CACNA1A: variants seen among roughly 807,000 people sequenced by gnomAD.
CACNA1A encodes the protein calcium voltage-gated channel subunit alpha1 A, also known as voltage-dependent P/Q-type calcium channel subunit alpha-1A.
CACNA1A carries 57 observed loss-of-function variants against 262.4 expected under a neutral mutation model. The ratio of observed to expected loss-of-function variants is 0.22; its 90% CI spans 0.18 to 0.27. The LOEUF (loss-of-function observed/expected upper bound fraction) is 0.27, where lower values mean the gene tolerates loss of function less well. Ranked by LOEUF, CACNA1A falls within the 10% of genes least tolerant of loss-of-function variation. The pLI is 1.00. For synonymous variants in CACNA1A, 1,431 were observed against 1,419.3 expected (o/e 1.01, Z -0.18); for missense variants, 2,526 against 3,562.8 (o/e 0.71, Z 7.41).
chr19:13,356,871 T>G (rs1317759653), intron 6 of CACNA1A, among the ~76,000 whole-genome samples: 1 of 152,166 alleles, frequency 6.6e-6, no homozygotes, highest in African/African-American at 2.4e-5. Context: ...TCCAAGCTGT[T>G]TGCAGGTGAC....
intron 6 of CACNA1A, among the ~76,000 whole-genome samples, chr19:13,342,243 G>A (rs1188833636): frequency 1.3e-5 from 2 of 152,104 alleles, no homozygotes; most frequent in East Asian, 3.9e-4. Context: ...TCGTTCAGGA[G>A]CAAAATGAAA....
At chr19:13,269,794 A>G (rs1389073469) in intron 24 of CACNA1A, among the ~76,000 whole-genome samples, 1 of 152,154 alleles carries the variant, frequency 6.6e-6, no homozygotes, top group African/African-American at 2.4e-5. Context: ...ACACACACAG[A>G]TATTTGGGTG....
intron 10 of CACNA1A, among the ~76,000 whole-genome samples, chr19:13,320,795 T>C (rs185145116): frequency 6.6e-6 from 1 of 152,332 alleles, no homozygotes; most frequent in East Asian, 1.9e-4. Flanking sequence ...TTCTAGATTT[T>C]TAAAAATCAC....
At chr19:13,411,667 CCTCT>C (rs1491581104) in intron 3 of CACNA1A, among the ~76,000 whole-genome samples, 1 of 150,924 alleles carries the variant, frequency 6.6e-6, no homozygotes, top group South Asian at 2.1e-4. Context: ...CCTTGACTTC[CCTCT>C]CTCTCTTTCT....
At chr19:13,309,955 T>C (rs2145012612) in intron 12 of CACNA1A, among the ~76,000 whole-genome samples, 1 of 152,230 alleles carries the variant, frequency 6.6e-6, no homozygotes, top group African/African-American at 2.4e-5. Context: ...GGAGGCCCTG[T>C]CCCCATGAGC....
intron 5 of CACNA1A, chr19:13,363,505 C>CAAA (rs1568572970): frequency 1.2e-4 from 17 of 143,448 alleles, no homozygotes; most frequent in East Asian, 8.1e-4. Flanking sequence ...AAAAAAAAAC[C>CAAA]AACAAACCAA....
chr19:13,458,336 T>G (rs1192204172), intron 1 of CACNA1A, among the ~76,000 whole-genome samples: 1 of 151,924 alleles, frequency 6.6e-6, no homozygotes, highest in Non-Finnish European at 1.5e-5. Flanking sequence ...ATTTTTTTTT[T>G]GTAAGAGACA....
chr19:13,460,904 T>C (rs554421486), intron 1 of CACNA1A, among the ~76,000 whole-genome samples: 4 of 152,232 alleles, frequency 2.6e-5, no homozygotes, highest in South Asian at 2.1e-4. Context: ...GCATCTGCTA[T>C]TTTTTTCCTT....
At chr19:13,452,792 T>G in intron 3 of CACNA1A, 84 bp downstream of exon 3, 1 of 1,363,076 alleles carries the variant, frequency 7.3e-7, no homozygotes, top group South Asian at 1.4e-5. Flanking sequence ...TCAGCCTTCC[T>G]GAGCCTGGCC....
Position 13,214,622 on chromosome 19 carries a change from G to A in CACNA1A, c.5732-14C>T. On this transcript the variant is annotated splice_polypyrimidine_tract_variant and intron_variant, in intron 38 of 46. Coordinates refer to ENST00000360228, the MANE Select transcript of CACNA1A (RefSeq NM_001127222.2). This position sits in a 1 kb window ranked among gnomAD's most constrained non-coding sequence, Gnocchi z 4.1. ...TGTCGGCTCCTCCTGCAATGGGGGT[G>A]TAGACAGACCCTGACTGCCTGCCTG... 3 of 1,603,842 alleles carry A rather than the reference G, an allele frequency of 1.9e-6. No homozygotes were observed. Among genetic ancestry groups the A allele is most frequent in the Non-Finnish European group, 2.6e-6 (3 of 1,171,960 alleles).
chr19:13,224,689 G>C lies in CACNA1A; in HGVS notation c.5709C>G (p.Ala1903=). The change falls in exon 38 of 47, where the codon GCC becomes GCG. Residue 1903 remains alanine (A), a synonymous_variant. Transcript: ENST00000360228. ...NSTLMALIRT[A]LDIKIAKGGA... ...TACCCTTGGCAATCTTGATGTCCAG[G>C]GCTGTGCGGATCAGAGCCATGAGGG... 6.2e-7 allele frequency: 1 copy of C among 1,612,438 alleles called. No homozygotes were observed. The highest frequency in any genetic ancestry group is 1.3e-5 in the African/African-American group (1 of 74,990).
chr19:13,257,712 G>C, intron 27 of CACNA1A, 161 bp from the exon 28 acceptor site: 2 of 492,878 alleles, frequency 4.1e-6, no homozygotes, highest in Non-Finnish European at 7.2e-6. Context: ...TTGAAAGGCT[G>C]ACAACAATGT....
intron 24 of CACNA1A, among the ~76,000 whole-genome samples, chr19:13,264,179 G>A (rs1348940963): frequency 6.6e-6 from 1 of 152,078 alleles, no homozygotes; most frequent in Non-Finnish European, 1.5e-5. Context: ...CCCAAGAGGA[G>A]GGTATTGAGT....
At chr19:13,441,438 G>A (rs1329862779) in intron 3 of CACNA1A, among the ~76,000 whole-genome samples, 3 of 152,238 alleles carry the variant, frequency 2.0e-5, no homozygotes, top group Admixed American at 6.5e-5. Context: ...AGGCCAAGGC[G>A]AGTGGATCAC....
intron 28 of CACNA1A, among the ~76,000 whole-genome samples, chr19:13,255,482 C>T (rs1413414319): frequency 1.3e-5 from 2 of 152,110 alleles, no homozygotes; most frequent in Non-Finnish European, 2.9e-5. Context: ...CCAAAACTTG[C>T]ACTGACATTT....
At chr19:13,301,207 C>T (rs527791604) in intron 17 of CACNA1A, among the ~76,000 whole-genome samples, 54 of 151,236 alleles carry the variant, frequency 3.6e-4, no homozygotes, top group Middle Eastern at 3.4e-3. Flanking sequence ...CCTCCCATTT[C>T]GGCCTCCCAA....
intron 3 of CACNA1A, among the ~76,000 whole-genome samples, chr19:13,428,844 C>A (rs1016415328): frequency 1.3e-5 from 2 of 152,008 alleles, no homozygotes; most frequent in African/African-American, 4.8e-5. Flanking sequence ...ACCATATGTT[C>A]CCCCTGCTTC....
intron 2 of CACNA1A, 107 bp from the exon 3 acceptor site, chr19:13,453,122 CT>C: frequency 8.7e-7 from 1 of 1,143,100 alleles, no homozygotes; most frequent in Non-Finnish European, 1.3e-6. Context: ...CTCACTTCCC[CT>C]GACCCTCCTG....
intron 37 of CACNA1A, 120 bp from the exon 38 acceptor site, chr19:13,224,892 GGT>G: frequency 1.5e-6 from 1 of 677,970 alleles, no homozygotes; most frequent in Non-Finnish European, 2.6e-6. Flanking sequence ...TGGCGGCTGA[GGT>G]GTCTCTTACT....
Sources: allele counts gnomAD v4.1 joint callset (sites outside exome capture counted in the v4.1 genomes callset), GRCh38; gene constraint gnomAD v4.1.1; non-coding constraint Gnocchi (gnomAD v3.1); transcripts MANE v1.5; gene names NCBI Gene and HGNC (gene_info 2026-07-23, HGNC 2026-07-21).